Variants in LRRC4C observed in about 807,000 individuals in gnomAD.
The protein encoded by LRRC4C is leucine rich repeat containing 4C, also known as leucine-rich repeat-containing protein 4C.
A neutral mutation model predicts 33.6 loss-of-function variants in LRRC4C; 5 were observed. That is an observed-to-expected ratio of 0.15 (90% confidence interval 0.08 to 0.31). The LOEUF (loss-of-function observed/expected upper bound fraction) is 0.31, where lower values mean the gene tolerates loss of function less well. LRRC4C is among the 10% of genes least tolerant of loss of function. The probability of loss-of-function intolerance (pLI) is 1.00; values close to 1 mark genes in which losing one functional copy is unlikely to be tolerated. For synonymous variants in LRRC4C, 329 were observed against 302.0 expected (o/e 1.09, Z -0.93); for missense variants, 560 against 796.7 (o/e 0.70, Z 3.58).
intron 3 of LRRC4C, among the ~76,000 whole-genome samples, chr11:40,578,341 A>T (rs1400175716): frequency 2.0e-5 from 3 of 151,542 alleles, no homozygotes; most frequent in Non-Finnish European, 4.4e-5. Flanking sequence ...GCAACTAAGG[A>T]ATAGGTGGTC....
chr11:40,194,239 CA>C (rs1020773425), intron 5 of LRRC4C, among the ~76,000 whole-genome samples: 4 of 152,178 alleles, frequency 2.6e-5, no homozygotes, highest in Non-Finnish European at 5.9e-5. Context: ...GGAAGCCCAT[CA>C]GACTAACAGC....
In LRRC4C at chr11:41,294,693, T is replaced by C. The variant is rs373972988; in HGVS notation, c.-496+164738A>G. Among the ~76,000 whole-genome samples the C allele has an allele frequency of 2.0e-5, 3 of 152,192 alleles. No individual in the cohort carries two copies. In the East Asian group the frequency reaches 5.8e-4, roughly 29 times the overall value. On this transcript the variant is annotated intron_variant, in intron 1 of 6. Transcript: ENST00000528697. ...TTTATATTCCAATGGAACTCACTCT[T>C]TTCAGAATGCAATACGATCCATGGC... is the stretch of plus-strand genomic sequence containing the variant.
In LRRC4C at chr11:41,406,706, CCACACACACACACACACACACA is replaced by C. The variant is rs112867786; in HGVS notation, c.-496+52703_-496+52724del. On this transcript the variant is annotated intron_variant, in intron 1 of 6. Transcript: ENST00000528697. ...CTCTTTCCTCTCCCCTACACATTCA[CCACACACACACACACACACACA>C]CACACACACACACACACACACACGC... is the stretch of plus-strand genomic sequence containing the variant. Among the ~76,000 whole-genome samples the C allele has an allele frequency of 6.2e-3, 851 of 138,308 alleles. 8 individuals are homozygous for C. Among genetic ancestry groups the C allele is most frequent in the African/African-American group, 0.023 (814 of 35,734 alleles). The allele number at this position is 138,308 out of a possible 152,430, so 90.7% of individuals were successfully genotyped here.
chr11:40,931,280 T>C (rs1455350716), intron 2 of LRRC4C, among the ~76,000 whole-genome samples: 3 of 152,206 alleles, frequency 2.0e-5, no homozygotes, highest in Non-Finnish European at 4.4e-5. Context: ...TAGGGTTTTC[T>C]TCCTTCTATT....
At chr11:40,929,438 C>T (rs1282322382) in intron 2 of LRRC4C, among the ~76,000 whole-genome samples, 1 of 151,994 alleles carries the variant, frequency 6.6e-6, no homozygotes, top group East Asian at 1.9e-4. Context: ...AACTATTGGC[C>T]ATATCAGTCA....
intron 3 of LRRC4C, among the ~76,000 whole-genome samples, chr11:40,365,579 T>A (rs1948172253): frequency 6.6e-6 from 1 of 151,858 alleles, no homozygotes; most frequent in Non-Finnish European, 1.5e-5. Flanking sequence ...CGAGAGGAGA[T>A]TTTTAAGTAG....
chr11:41,147,008 A>ATGATC (rs755552332), intron 1 of LRRC4C, among the ~76,000 whole-genome samples: 12 of 152,378 alleles, frequency 7.9e-5, no homozygotes, highest in Admixed American at 2.6e-4. Context: ...TTTACAGATC[A>ATGATC]TGAATGATTC....
intron 5 of LRRC4C, among the ~76,000 whole-genome samples, chr11:40,227,390 A>G (rs772893770): frequency 6.6e-6 from 1 of 152,172 alleles, no homozygotes; most frequent in Admixed American, 6.5e-5. Flanking sequence ...CTGTATCTCT[A>G]TTCTCTCTTC....
At chr11:40,968,750 C>G (rs1851521038) in intron 1 of LRRC4C, among the ~76,000 whole-genome samples, 1 of 152,032 alleles carries the variant, frequency 6.6e-6, no homozygotes, top group Non-Finnish European at 1.5e-5. Context: ...CTTTTGAGAC[C>G]TACTGTTTAG....
At chr11:40,872,541 T>C (rs1263991060) in intron 2 of LRRC4C, among the ~76,000 whole-genome samples, 2 of 152,098 alleles carry the variant, frequency 1.3e-5, no homozygotes, top group East Asian at 1.9e-4. Flanking sequence ...TCTATGTTAC[T>C]TAAATGTCTC....
intron 3 of LRRC4C, among the ~76,000 whole-genome samples, chr11:40,646,214 G>A (rs1942446843): frequency 6.6e-6 from 1 of 152,132 alleles, no homozygotes; most frequent in Non-Finnish European, 1.5e-5. Context: ...GATAGGCTAT[G>A]TGCAAGGCAA....
intron 1 of LRRC4C, among the ~76,000 whole-genome samples, chr11:41,228,306 A>G (rs2136439300): frequency 6.6e-6 from 1 of 152,180 alleles, no homozygotes; most frequent in South Asian, 2.1e-4. Flanking sequence ...CAGACAATCT[A>G]TAGATTCTAA....
At chr11:40,357,957 G>A (rs914155744) in intron 3 of LRRC4C, among the ~76,000 whole-genome samples, 5 of 152,098 alleles carry the variant, frequency 3.3e-5, no homozygotes, top group Admixed American at 1.3e-4. Flanking sequence ...GGCCGAGGCA[G>A]GTGGATCATG....
At position 40,481,493 on chromosome 11, in the gene LRRC4C, G is replaced by A. The variant is rs796964029; in HGVS notation, c.-269-161772C>T. 3.3e-5 allele frequency among the ~76,000 whole-genome samples: 5 copies of A among 152,220 alleles called. No homozygotes were observed. The South Asian group carries it at 8.3e-4, about 25-fold the overall frequency. The stretch of plus-strand genomic sequence containing the variant: ...TCTGTCAGAGACTGTTGATTGTCAG[G>A]TGGATAGGGGCCTAACTCTAAATTC... On this transcript the variant is annotated intron_variant, in intron 3 of 6. Coordinates refer to ENST00000528697, the MANE Select transcript of LRRC4C (RefSeq NM_001258419.2).
At chr11:41,444,433 T>G (rs1465845095) in intron 1 of LRRC4C, among the ~76,000 whole-genome samples, 1 of 152,208 alleles carries the variant, frequency 6.6e-6, no homozygotes, top group Non-Finnish European at 1.5e-5. Flanking sequence ...CTAAATCATT[T>G]TATATAAGGA....
intron 1 of LRRC4C, among the ~76,000 whole-genome samples, chr11:41,451,352 A>C (rs1245748761): frequency 6.6e-6 from 1 of 152,020 alleles, no homozygotes; most frequent in Non-Finnish European, 1.5e-5. Flanking sequence ...AGACATACAT[A>C]GATATAGATA....
chr11:41,281,078 C>CCTCTCT (rs142279457), intron 1 of LRRC4C, among the ~76,000 whole-genome samples: 3 of 83,120 alleles, frequency 3.6e-5, no homozygotes, highest in Admixed American at 3.2e-4. Context: ...CTCTCTCTGT[C>CCTCTCT]CTCTCTCTCT....
At chr11:41,053,389 G>A (rs1319971923) in intron 1 of LRRC4C, among the ~76,000 whole-genome samples, 1 of 152,192 alleles carries the variant, frequency 6.6e-6, no homozygotes, top group Non-Finnish European at 1.5e-5. Context: ...ATTACAGGCT[G>A]TAAAGAATTG....
chr11:40,810,036 T>C (rs1232155699), intron 2 of LRRC4C, among the ~76,000 whole-genome samples: 1 of 152,204 alleles, frequency 6.6e-6, no homozygotes, highest in Non-Finnish European at 1.5e-5. Context: ...AGCAAATATT[T>C]TTAAAACCTT....
Sources: allele counts gnomAD v4.1 joint callset (sites outside exome capture counted in the v4.1 genomes callset), GRCh38; gene constraint gnomAD v4.1.1; transcripts MANE v1.5; gene names NCBI Gene and HGNC (gene_info 2026-07-23, HGNC 2026-07-21).